Variants in LARP1 observed in about 807,000 individuals in gnomAD.
The protein encoded by LARP1 is La ribonucleoprotein 1, translational regulator, also known as la-related protein 1.
LARP1 carries 36 observed loss-of-function variants against 122.7 expected under a neutral mutation model. That is an observed-to-expected ratio of 0.29 (90% CI 0.22 to 0.39). The LOEUF (loss-of-function observed/expected upper bound fraction) is 0.39, where lower values mean the gene tolerates loss of function less well. Ranked by LOEUF, LARP1 falls within the 10% of genes least tolerant of loss-of-function variation. LARP1 has a pLI of 1.00. For missense variants in LARP1, 1,040 were observed against 1,403.6 expected (o/e 0.74, Z 4.14); for synonymous variants, 539 against 528.7 (o/e 1.02, Z -0.27).
intron 13 of LARP1, 75 bp from the exon 14 acceptor site, chr5:154,804,126 A>T: frequency 9.9e-7 from 1 of 1,012,942 alleles, no homozygotes; most frequent in Non-Finnish European, 1.6e-6. Context: ...TGCCCATCTT[A>T]GTCCTACAAG....
At chr5:154,781,204 A>G (rs1379640503) in intron 1 of LARP1, among the ~76,000 whole-genome samples, 5 of 152,228 alleles carry the variant, frequency 3.3e-5, no homozygotes, top group African/African-American at 1.2e-4. Flanking sequence ...TGTGCCTAGC[A>G]ACCTGTCTGA....
chr5:154,705,326 C>T (rs978966441), intron 1 of LARP1, among the ~76,000 whole-genome samples: 1 of 152,130 alleles, frequency 6.6e-6, no homozygotes, highest in South Asian at 2.1e-4. Flanking sequence ...TGAGTTATCT[C>T]GATTGTTCAC....
At chr5:154,742,127 C>T (rs1582255627) in intron 1 of LARP1, among the ~76,000 whole-genome samples, 1 of 152,226 alleles carries the variant, frequency 6.6e-6, no homozygotes, top group Non-Finnish European at 1.5e-5. Context: ...CAACTTGCCA[C>T]AGCTTTTCTG....
At chr5:154,729,383 C>T (rs1243689648) in intron 1 of LARP1, 1 of 325,100 alleles carries the variant, frequency 3.1e-6, no homozygotes, top group Non-Finnish European at 6.0e-6. Context: ...AGGAATACCC[C>T]ACAAATGTTA....
intron 1 of LARP1, among the ~76,000 whole-genome samples, chr5:154,783,751 C>G (rs1391100064): frequency 6.6e-6 from 1 of 152,158 alleles, no homozygotes; most frequent in African/African-American, 2.4e-5. Flanking sequence ...TGTGTGGTAT[C>G]TAGTAAATGC....
At chr5:154,698,520 C>A (rs1754575481) in intron 1 of LARP1, among the ~76,000 whole-genome samples, 1 of 152,128 alleles carries the variant, frequency 6.6e-6, no homozygotes. Context: ...TTGCTTAAAT[C>A]CAGGAGGCGG....
At chr5:154,689,524 G>T (rs1196032689) in intron 1 of LARP1, among the ~76,000 whole-genome samples, 1 of 151,580 alleles carries the variant, frequency 6.6e-6, no homozygotes, top group African/African-American at 2.4e-5. Context: ...GGAGGCTGAG[G>T]CAGGAGACTC....
At chr5:154,755,110 C>A (rs1753725666), upstream of LARP1, among the ~76,000 whole-genome samples, 1 of 151,884 alleles carries the variant, frequency 6.6e-6, no homozygotes, top group Non-Finnish European at 1.5e-5. Context: ...CACGTGCTCG[C>A]CCCCGTCCGG....
chr5:154,769,143 T>A (rs1331598134), intron 1 of LARP1, among the ~76,000 whole-genome samples: 1 of 152,166 alleles, frequency 6.6e-6, no homozygotes, highest in Non-Finnish European at 1.5e-5. Context: ...CTGGCCAAAT[T>A]GTGTACTTTA....
chr5:154,813,099 T>TCAGA (rs142192736), intron 18 of LARP1, among the ~76,000 whole-genome samples: 8 of 28,294 alleles, frequency 2.8e-4, no homozygotes, highest in East Asian at 1.8e-3. Context: ...ACAGGACTTA[T>TCAGA]TAGGTTAACT....
At chr5:154,688,086 G>T (rs1754020213) in intron 1 of LARP1, among the ~76,000 whole-genome samples, 1 of 152,142 alleles carries the variant, frequency 6.6e-6, no homozygotes, top group Non-Finnish European at 1.5e-5. Context: ...AGTGAAATGG[G>T]TTGGTTTTTG....
At chr5:154,740,977 A>ATC (rs1236701396) in intron 1 of LARP1, among the ~76,000 whole-genome samples, 3 of 152,142 alleles carry the variant, frequency 2.0e-5, no homozygotes, top group Non-Finnish European at 4.4e-5. Context: ...CCTGCCCACC[A>ATC]TCCTCTCCTC....
intron 1 of LARP1, among the ~76,000 whole-genome samples, chr5:154,761,423 T>A (rs1754438746): frequency 6.6e-6 from 1 of 152,172 alleles, no homozygotes; most frequent in Admixed American, 6.5e-5. Context: ...TAATAGCTGT[T>A]ACTGAGCACC....
At chr5:154,695,891 A>G (rs776632748) in intron 1 of LARP1, among the ~76,000 whole-genome samples, 1 of 152,106 alleles carries the variant, frequency 6.6e-6, no homozygotes, top group Admixed American at 6.6e-5. Context: ...AAAAATTACA[A>G]TATATTGCTG....
In LARP1 at chr5:154,802,013, G is replaced by C; in HGVS notation, c.1723G>C (p.Glu575Gln). The change falls in exon 11 of 19, where the codon GAG becomes CAG. Residue 575 changes from glutamate to glutamine, a missense_variant. By Grantham distance (29) the Glu-to-Gln change is conservative. This residue lies in a region of LARP1 where 362 missense variants were observed against 533.1 expected (regional missense o/e 0.68). Transcript: ENST00000518297. The surrounding 1 kb of genome is among the most constrained non-coding windows in gnomAD (Gnocchi z 5.1). ...RPSPARPKKS[E>Q]ESRFSHLTSL... Reference sequence around the variant, plus strand: ...TTCGTCTGTCCTATTTTAGAAGTCAGAGGAGTCCAGATTTTCCCACCTGAC... The same window carrying C: ...TTCGTCTGTCCTATTTTAGAAGTCACAGGAGTCCAGATTTTCCCACCTGAC... 1 of 1,611,452 alleles carries C rather than the reference G, an allele frequency of 6.2e-7. No individual in the cohort carries two copies. The highest frequency in any genetic ancestry group is 1.7e-5 in the Admixed American group (1 of 59,910).
intron 1 of LARP1, among the ~76,000 whole-genome samples, chr5:154,732,044 G>T (rs1756605466): frequency 6.7e-6 from 1 of 148,316 alleles, no homozygotes; most frequent in Non-Finnish European, 1.5e-5. Context: ...AAATTAGCCA[G>T]ATGTGGTGGT....
chr5:154,724,826 C>G (rs2113369323), intron 1 of LARP1, among the ~76,000 whole-genome samples: 1 of 152,184 alleles, frequency 6.6e-6, no homozygotes, highest in East Asian at 1.9e-4. Flanking sequence ...GCCACCATAC[C>G]CAGCTAATTT....
At chr5:154,778,566 A>C (rs1756123810) in intron 1 of LARP1, among the ~76,000 whole-genome samples, 1 of 152,198 alleles carries the variant, frequency 6.6e-6, no homozygotes, top group South Asian at 2.1e-4. Flanking sequence ...ATTTATGGAG[A>C]TCAATGGGTA....
rs751901420 is a variant in LARP1 at position 154,795,259 on chromosome 5, C to G, written c.1317C>G (p.Thr439=). 1.9e-6 allele frequency: 3 copies of G among 1,613,884 alleles called. No homozygotes were observed. In the South Asian group the frequency reaches 3.3e-5, roughly 18 times the overall value. The change falls in exon 8 of 19, where the codon ACC becomes ACG. Residue 439 remains threonine (T), a synonymous_variant. Transcript: ENST00000518297. ...ATGCTGATGGTTTCCTACCCATCACCCTTATTGCTTCCTTCCACCGAGTGC... is the reference window on the plus strand; with the variant it reads ...ATGCTGATGGTTTCCTACCCATCACGCTTATTGCTTCCTTCCACCGAGTGC... ...KMDADGFLPI[T]LIASFHRVQA... is the part of the protein sequence containing the mutation.
Sources: allele counts gnomAD v4.1 joint callset (sites outside exome capture counted in the v4.1 genomes callset), GRCh38; gene constraint gnomAD v4.1.1; regional missense constraint gnomAD v4.1.1; non-coding constraint Gnocchi (gnomAD v3.1); transcripts MANE v1.5; gene names NCBI Gene and HGNC (gene_info 2026-07-23, HGNC 2026-07-21).